The following EVC variants were observed in gnomAD, a reference collection of about 807,000 sequenced individuals.
The protein encoded by EVC is EvC ciliary complex subunit 1.
EVC carries 116 observed loss-of-function variants against 118.9 expected under a neutral mutation model. The ratio of observed to expected loss-of-function variants is 0.98; its 90% CI spans 0.84 to 1.14. The LOEUF is 1.14. EVC is among the 50% of genes most tolerant of loss of function. The pLI is 0.00. For synonymous variants in EVC, 619 were observed against 534.7 expected (o/e 1.16, Z -2.18); for missense variants, 1,401 against 1,246.4 (o/e 1.12, Z -1.87).
chr4:5,751,096 T>C (rs901124623), intron 8 of EVC, among the ~76,000 whole-genome samples: 32 of 152,184 alleles, frequency 2.1e-4, no homozygotes, highest in African/African-American at 7.5e-4. Flanking sequence ...CTGTAGATAA[T>C]GGTGAAAACA....
Position 5,729,318 on chromosome 4 carries a change from G to A in EVC, c.312G>A (p.Pro104=), listed in dbSNP as rs763930196. 42 of 1,613,916 alleles carry A rather than the reference G, an allele frequency of 2.6e-5. No homozygotes were observed. The East Asian group carries it at 2.7e-4, about 10-fold the overall frequency. The stretch of plus-strand genomic sequence containing the variant: ...TCTTTCCCTCCCAGGAATGTGAGCC[G>A]CCTTCCAACAGCAATATCACAGCAT... ...KDKEAVDECE[P]PSNSNITAFA... The change falls in exon 3 of 21, where the codon CCG becomes CCA. Residue 104 remains proline, a synonymous_variant. Coordinates refer to ENST00000264956, the MANE Select transcript of EVC (RefSeq NM_153717.3).
rs7435031 is a variant in EVC, at chr4:5,755,792, T to G, written c.1465-472T>G. Among the ~76,000 whole-genome samples, 14,578 of 152,204 alleles carry G rather than the reference T, an allele frequency of 0.096. 2,336 individuals carry two copies. The highest frequency in any genetic ancestry group is 0.33 in the African/African-American group (13,658 of 41,498). ...GGGTCTCCCCCTGCTGATGCCCGGG[T>G]TAGCCCAGTCTCCTGCTGCTCTGCT... On this transcript the variant is annotated intron_variant, in intron 10 of 20. Transcript: ENST00000264956. The surrounding 1 kb of genome is among the most constrained non-coding windows in gnomAD (Gnocchi z 4.1).
rs530602624 is a variant in EVC, at chr4:5,733,807, C to G, written c.702+372C>G. On this transcript the variant is annotated intron_variant, in intron 5 of 20. Transcript: ENST00000264956. ...TGAGCATGAATTTTCTTGAGTCTTG[C>G]TATGTACGAGGTCCCAGGAGTATTA... is the stretch of plus-strand genomic sequence containing the variant. Among the ~76,000 whole-genome samples, 13 of 152,304 alleles carry G rather than the reference C, an allele frequency of 8.5e-5. No individual in the cohort carries two copies. In the South Asian group the frequency reaches 2.7e-3, roughly 32 times the overall value.
Position 5,723,314 on chromosome 4 carries a change from T to A in EVC, c.300+3941T>A, listed in dbSNP as rs1404384528. Among the ~76,000 whole-genome samples the A allele has an allele frequency of 2.0e-5, 3 of 151,886 alleles. No individual in the cohort carries two copies. In the East Asian group the frequency reaches 5.9e-4, roughly 30 times the overall value. ...AGGTGATTCTCCTGCCTCAGCCTCC[T>A]GAGTAGCTGGGATTACAGGCATGCG... On this transcript the variant is annotated intron_variant, in intron 2 of 20. Coordinates refer to ENST00000264956, the MANE Select transcript of EVC (RefSeq NM_153717.3).
rs574038265 is a variant in EVC, at chr4:5,752,889, T to C, written c.1152T>C (p.Phe384=). The C allele has an allele frequency of 8.7e-6, 14 of 1,614,212 alleles. No homozygotes were observed. In the East Asian group the frequency reaches 2.7e-4, roughly 31 times the overall value. ...GRAHMAKVIE[F]LKLQVQEETR... is the part of the protein sequence containing the mutation. ...CGCACATGGCAAAAGTGATTGAGTT[T>C]CTGAAGCTGCAAGTCCAGGAGGAGA... Residue 384 remains phenylalanine (F), a synonymous_variant, in exon 9 of 21, where the codon TTT becomes TTC. Coordinates refer to ENST00000264956, the MANE Select transcript of EVC (RefSeq NM_153717.3).
chr4:5,786,409 G>T (rs1327221788), intron 12 of EVC, among the ~76,000 whole-genome samples: 1 of 152,120 alleles, frequency 6.6e-6, no homozygotes, highest in Non-Finnish European at 1.5e-5. Flanking sequence ...GTGAGCATAC[G>T]ATTGTGAATT....
At position 5,776,728 on chromosome 4, in the gene EVC, T is replaced by C. The variant is rs1231033022; in HGVS notation, c.1564-6824T>C. Among the ~76,000 whole-genome samples, 3 of 152,194 alleles carry C rather than the reference T, an allele frequency of 2.0e-5. No individual in the cohort carries two copies. The East Asian group carries it at 5.8e-4, about 29-fold the overall frequency. On this transcript the variant is annotated intron_variant, in intron 11 of 20. Transcript: ENST00000264956. ...CTCCTTGCTTTGTTCTGCTAGTTTC[T>C]TCTGATCTATTTTCCAGTGTGCTAA...
At chr4:5,753,375 G>C (rs934514820) in intron 9 of EVC, among the ~76,000 whole-genome samples, 5 of 152,226 alleles carry the variant, frequency 3.3e-5, no homozygotes, top group Admixed American at 3.3e-4. Context: ...AGGGTGAAGG[G>C]TCTCACTAGA....
At chr4:5,740,285 A>G (rs1207862035) in intron 5 of EVC, among the ~76,000 whole-genome samples, 1 of 152,140 alleles carries the variant, frequency 6.6e-6, no homozygotes, top group African/African-American at 2.4e-5. Context: ...AGCCTGGCCA[A>G]CATGGTGAAA....
intron 11 of EVC, among the ~76,000 whole-genome samples, chr4:5,760,754 G>A (rs148434899): frequency 0.032 from 4,847 of 152,194 alleles, 114 homozygotes; most frequent in Middle Eastern, 0.075. Context: ...GTTTCACCAC[G>A]TTGGTCAGGC....
At chr4:5,809,715 G>A (rs989527703) in intron 19 of EVC, 104 bp downstream of exon 19, 20 of 1,042,310 alleles carry the variant, frequency 1.9e-5, no homozygotes, top group African/African-American at 7.8e-5. Flanking sequence ...CTTAGGCATC[G>A]TGCCTAGGCT....
chr4:5,767,825 C>T (rs1163874050), intron 11 of EVC, among the ~76,000 whole-genome samples: 2 of 152,172 alleles, frequency 1.3e-5, no homozygotes, highest in Non-Finnish European at 2.9e-5. Flanking sequence ...GAGATGAACC[C>T]AGTACCTCAT....
intron 1 of EVC, among the ~76,000 whole-genome samples, chr4:5,717,490 A>G (rs188796564): frequency 3.3e-5 from 5 of 152,210 alleles, no homozygotes; most frequent in Admixed American, 6.5e-5. Flanking sequence ...TGGGATATAT[A>G]TATTTTTTCC....
rs1170444932 is a variant in EVC at position 5,743,175 on chromosome 4, G to A, written c.801+1361G>A. On this transcript the variant is annotated intron_variant, in intron 6 of 20. Coordinates refer to ENST00000264956, the MANE Select transcript of EVC (RefSeq NM_153717.3). This position sits in a 1 kb window ranked among gnomAD's most constrained non-coding sequence, Gnocchi z 4.7. ...TGGTGGGAGTGTCTTATGCTAATGA[G>A]CAATGAGGGCAGCAAGGGATCACTT... 6.6e-6 allele frequency among the ~76,000 whole-genome samples: 1 copy of A among 152,128 alleles called. No homozygotes were observed. Among genetic ancestry groups the A allele is most frequent in the Non-Finnish European group, 1.5e-5 (1 of 68,028 alleles).
chr4:5,759,265 GA>G (rs1479931415), intron 11 of EVC, among the ~76,000 whole-genome samples: 5 of 75,096 alleles, frequency 6.7e-5, no homozygotes, highest in African/African-American at 4.2e-4. Context: ...GCCTACTGCA[GA>G]TAACTGCTTG....
At position 5,798,688 on chromosome 4, in the gene EVC, C is replaced by T. The variant is rs1714426069; in HGVS notation, c.2200C>T (p.Gln734Ter). 6.2e-6 allele frequency: 10 copies of T among 1,605,752 alleles called. No homozygotes were observed. Among genetic ancestry groups the T allele is most frequent in the Non-Finnish European group, 8.5e-6 (10 of 1,177,812 alleles). Residue 734 changes from glutamine to a stop codon, truncating the protein, a stop_gained, in exon 15 of 21, where the codon CAG becomes TAG. Coordinates refer to ENST00000264956, the MANE Select transcript of EVC (RefSeq NM_153717.3). LOFTEE classifies it high-confidence loss of function. The surrounding 1 kb of genome is among the most constrained non-coding windows in gnomAD (Gnocchi z 4.1). ...RLLAEAQEVG[Q>*]LLQQHMECAI... is the part of the protein sequence containing the mutation. The stretch of plus-strand genomic sequence containing the variant: ...CCTGGCCGAGGCCCAGGAGGTGGGG[C>T]AGCTTCTGCAGCAGCACATGGAGTG...
rs141979471 is a variant in EVC, at chr4:5,733,285, C to G, written c.618-66C>G. The G allele has an allele frequency of 3.4e-4, 459 of 1,330,502 alleles. 3 individuals carry two copies. In the African/African-American group the frequency reaches 5.5e-3, roughly 16 times the overall value. The allele number at this position is 1,330,502 out of a possible 1,614,324, so 82.4% of individuals were successfully genotyped here. A position where few individuals can be genotyped will look rare whatever the true frequency, so the allele number is the denominator to read the frequency against. On this transcript the variant is annotated intron_variant, in intron 4 of 20. Coordinates refer to ENST00000264956, the MANE Select transcript of EVC (RefSeq NM_153717.3). The stretch of plus-strand genomic sequence containing the variant: ...GTGGCTTGTACTGATGAGGGACGTG[C>G]CAATATTCTTACTCTTCATTTCCGA...
intron 13 of EVC, among the ~76,000 whole-genome samples, chr4:5,796,775 G>GGCT (rs1367181633): frequency 6.6e-6 from 1 of 151,804 alleles, no homozygotes; most frequent in Non-Finnish European, 1.5e-5. Flanking sequence ...GCATACCATA[G>GGCT]GCTGCTGTAC....
At chr4:5,775,119 C>T (rs1734524084) in intron 11 of EVC, among the ~76,000 whole-genome samples, 1 of 152,152 alleles carries the variant, frequency 6.6e-6, no homozygotes, top group African/African-American at 2.4e-5. Context: ...GTCCCAACCA[C>T]TGCTGTAGAA....
Sources: gnomAD v4.1 joint callset for allele counts (sites outside exome capture counted in the v4.1 genomes callset) on GRCh38, gnomAD v4.1.1 for gene constraint, Gnocchi (gnomAD v3.1) non-coding constraint, MANE v1.5 for transcripts, NCBI Gene and HGNC (gene_info 2026-07-23, HGNC 2026-07-21) for gene names.